Variants in KIF6 observed in about 807,000 individuals in gnomAD.
KIF6 encodes kinesin-like protein KIF6.
A neutral mutation model predicts 112.7 loss-of-function variants in KIF6; 106 were observed. The ratio of observed to expected loss-of-function variants is 0.94; its 90% CI spans 0.80 to 1.11. The LOEUF is 1.11. KIF6 is among the 50% of genes least tolerant of loss of function. The probability of loss-of-function intolerance (pLI) is 0.00; values close to 1 mark genes in which losing one functional copy is unlikely to be tolerated. For synonymous variants in KIF6, 339 were observed against 339.9 expected, an observed-to-expected ratio of 1.00 and a Z score of 0.03; for missense variants, 929 against 964.0, an observed-to-expected ratio of 0.96 and a Z score of 0.48.
At chr6:39,597,118 C>G (rs1389055282) in intron 6 of KIF6, among the ~76,000 whole-genome samples, 1 of 151,910 alleles carries the variant, frequency 6.6e-6, no homozygotes, top group African/African-American at 2.4e-5. Flanking sequence ...TGGGAAAACT[C>G]AAAATTAATC....
chr6:39,577,045 CT>C (rs1367735878), intron 10 of KIF6, among the ~76,000 whole-genome samples: 16 of 152,154 alleles, frequency 1.1e-4, no homozygotes, highest in Non-Finnish European at 2.1e-4. Context: ...TGACATAAAA[CT>C]TTTTTTAAAG....
intron 13 of KIF6, among the ~76,000 whole-genome samples, chr6:39,436,610 T>A (rs1771550577): frequency 6.6e-6 from 1 of 152,186 alleles, no homozygotes; most frequent in Admixed American, 6.5e-5. Flanking sequence ...CAAGTACCAT[T>A]TATTAAATAT....
intron 16 of KIF6, among the ~76,000 whole-genome samples, chr6:39,371,504 C>A (rs1427896731): frequency 6.6e-6 from 1 of 152,160 alleles, no homozygotes; most frequent in East Asian, 1.9e-4. Flanking sequence ...GACTGAAGGT[C>A]ACAGCTCGTA....
chr6:39,701,120 C>T (rs566673753), intron 3 of KIF6, among the ~76,000 whole-genome samples: 46 of 152,304 alleles, frequency 3.0e-4, no homozygotes, highest in Middle Eastern at 3.4e-3. Context: ...TGTTTTATTG[C>T]GATGTTAACA....
chr6:39,440,941 A>C (rs748730062), intron 13 of KIF6, among the ~76,000 whole-genome samples: 3 of 152,182 alleles, frequency 2.0e-5, no homozygotes, highest in Admixed American at 6.5e-5. Flanking sequence ...ATGCACTGAC[A>C]CTGGACTGAA....
chr6:39,458,094 T>C (rs1210235117), intron 13 of KIF6, among the ~76,000 whole-genome samples: 1 of 151,558 alleles, frequency 6.6e-6, no homozygotes, highest in Non-Finnish European at 1.5e-5. Flanking sequence ...ACCAATATCC[T>C]TGATGAACAT....
chr6:39,373,723 G>C, intron 16 of KIF6, among the ~76,000 whole-genome samples: 1 of 151,720 alleles, frequency 6.6e-6, no homozygotes, highest in East Asian at 1.9e-4. Flanking sequence ...GAAAGAAATG[G>C]AAAAAAACCA....
intron 3 of KIF6, among the ~76,000 whole-genome samples, chr6:39,681,668 C>G (rs1344657665): frequency 2.0e-5 from 3 of 152,116 alleles, no homozygotes; most frequent in Non-Finnish European, 4.4e-5. Flanking sequence ...CTAGATAGAT[C>G]TCACTTCTCA....
chr6:39,555,953 CA>C lies in KIF6; in HGVS notation c.1182-10266del, dbSNP rs35420944. On this transcript the variant is annotated intron_variant, in intron 10 of 22. Coordinates refer to ENST00000287152, the MANE Select transcript of KIF6 (RefSeq NM_145027.6). The stretch of plus-strand genomic sequence containing the variant: ...TGGGCGACAGAGTGAGACGCTGTCT[CA>C]AAAAAAAAAAAAAAAAAAAAGAAGA... 3.6e-3 allele frequency among the ~76,000 whole-genome samples: 279 copies of C among 77,694 alleles called. No homozygotes were observed. The South Asian group carries it at 0.039, about 11-fold the overall frequency. The allele number at this position is 77,694 out of a possible 152,430, so 51.0% of individuals were successfully genotyped here.
At chr6:39,561,437 C>T (rs760073589) in intron 10 of KIF6, among the ~76,000 whole-genome samples, 98 of 151,882 alleles carry the variant, frequency 6.5e-4, no homozygotes, top group Non-Finnish European at 5.0e-4. Context: ...CTGCAACCTC[C>T]GCCTTCTGGG....
chr6:39,389,611 T>A (rs1385777295), intron 15 of KIF6, among the ~76,000 whole-genome samples: 1 of 152,112 alleles, frequency 6.6e-6, no homozygotes, highest in Non-Finnish European at 1.5e-5. Flanking sequence ...TCAGGGATGG[T>A]TTGCTTTCCT....
intron 15 of KIF6, among the ~76,000 whole-genome samples, chr6:39,416,414 G>A (rs372264268): frequency 7.2e-5 from 11 of 152,150 alleles, no homozygotes; most frequent in African/African-American, 1.2e-4. Flanking sequence ...AAAAGCAGCC[G>A]AATGATCTTG....
chr6:39,432,439 G>C (rs953612349), intron 13 of KIF6, among the ~76,000 whole-genome samples: 2 of 152,194 alleles, frequency 1.3e-5, no homozygotes, highest in African/African-American at 4.8e-5. Flanking sequence ...AAAACTCTCT[G>C]AGTCCCATCA....
chr6:39,469,716 A>C lies in KIF6; in HGVS notation c.1646-38555T>G, dbSNP rs551602383. ...TAGTTATGTTTCCTGATCAAGAGGGACATTTCATGATGATAAAAGCATCAA... is the reference window on the plus strand; with the variant it reads ...TAGTTATGTTTCCTGATCAAGAGGGCCATTTCATGATGATAAAAGCATCAA... On this transcript the variant is annotated intron_variant, in intron 13 of 22. Transcript: ENST00000287152. Among the ~76,000 whole-genome samples the C allele has an allele frequency of 1.1e-4, 16 of 152,332 alleles. No individual in the cohort carries two copies. The South Asian group carries it at 3.3e-3, about 32-fold the overall frequency.
intron 2 of KIF6, among the ~76,000 whole-genome samples, chr6:39,715,716 AC>A (rs1281020408): frequency 6.6e-6 from 1 of 152,056 alleles, no homozygotes; most frequent in Non-Finnish European, 1.5e-5. Context: ...CAGCTGACCT[AC>A]CTCCATTTTA....
chr6:39,525,809 A>ATAAC (rs1777687202), intron 13 of KIF6, among the ~76,000 whole-genome samples: 1 of 77,910 alleles, frequency 1.3e-5, no homozygotes, highest in Non-Finnish European at 2.9e-5. Context: ...AACTAAATAG[A>ATAAC]TAAATAAATA....
intron 13 of KIF6, among the ~76,000 whole-genome samples, chr6:39,471,179 C>T (rs1023634965): frequency 6.6e-6 from 1 of 152,170 alleles, no homozygotes; most frequent in Admixed American, 6.5e-5. Context: ...CTTTTATAGT[C>T]TCCATGGTTC....
chr6:39,401,011 T>C (rs940535272), intron 15 of KIF6, among the ~76,000 whole-genome samples: 1 of 152,248 alleles, frequency 6.6e-6, no homozygotes, highest in Non-Finnish European at 1.5e-5. Context: ...TTTAGAGGAA[T>C]TGGTGGTTTT....
rs190729072 is a variant in KIF6, at chr6:39,591,658, A to G, written c.846+4396T>C. Reference sequence around the variant, plus strand: ...GGAGCTTGAGGAATACTATAAGCCCAGCCCACCTGGAGCAGATGTAAAACT... The same window carrying G: ...GGAGCTTGAGGAATACTATAAGCCCGGCCCACCTGGAGCAGATGTAAAACT... On this transcript the variant is annotated intron_variant, in intron 7 of 22. Transcript: ENST00000287152. Among the ~76,000 whole-genome samples, 95 of 152,356 alleles carry G rather than the reference A, an allele frequency of 6.2e-4. No homozygotes were observed. In the East Asian group the frequency reaches 0.017, roughly 27 times the overall value.
Sources: allele counts gnomAD v4.1 joint callset (sites outside exome capture counted in the v4.1 genomes callset), GRCh38; gene constraint gnomAD v4.1.1; transcripts MANE v1.5; gene names NCBI Gene and HGNC (gene_info 2026-07-23, HGNC 2026-07-21).